The following DCDC2 variants were observed in gnomAD, a reference collection of about 807,000 sequenced individuals.
DCDC2 encodes doublecortin domain containing 2, also known as doublecortin domain-containing protein 2.
Under a neutral mutation model 50.2 loss-of-function variants are expected in DCDC2, and 40 were observed. The observed-to-expected ratio is 0.80, with a 90% confidence interval of 0.62 to 1.04. The LOEUF (loss-of-function observed/expected upper bound fraction) is 1.04. Ranked by LOEUF, DCDC2 falls within the 50% of genes least tolerant of loss-of-function variation. The pLI, the probability that DCDC2 is intolerant of heterozygous loss-of-function variation, is 0.00. For synonymous variants in DCDC2, 234 were observed against 210.6 expected (o/e 1.11, Z -0.96); for missense variants, 570 against 581.9 (o/e 0.98, Z 0.21).
intron 2 of DCDC2, among the ~76,000 whole-genome samples, chr6:24,338,364 C>G (rs1191399223): frequency 6.6e-6 from 1 of 152,138 alleles, no homozygotes; most frequent in Non-Finnish European, 1.5e-5. Context: ...AAAAAAACAA[C>G]AACTGTATTC....
At chr6:24,192,230 A>G (rs1761329368) in intron 8 of DCDC2, among the ~76,000 whole-genome samples, 1 of 152,222 alleles carries the variant, frequency 6.6e-6, no homozygotes, top group South Asian at 2.1e-4. Flanking sequence ...CAGATCCCAA[A>G]ATGTTGACAG....
chr6:24,319,478 G>GTTTTGT (rs1180274638), intron 2 of DCDC2, among the ~76,000 whole-genome samples: 3 of 151,716 alleles, frequency 2.0e-5, no homozygotes, highest in African/African-American at 7.3e-5. Context: ...GTTTTGTTTT[G>GTTTTGT]TTTGTCTTTT....
intron 4 of DCDC2, among the ~76,000 whole-genome samples, chr6:24,296,912 C>T (rs1301150573): frequency 1.3e-5 from 2 of 152,166 alleles, no homozygotes; most frequent in African/African-American, 4.8e-5. Context: ...GGCAATTCCT[C>T]AGAGAGCTAA....
At chr6:24,277,963 A>G (rs1763395469) in intron 7 of DCDC2, 86 bp downstream of exon 7, 3 of 1,109,654 alleles carry the variant, frequency 2.7e-6, no homozygotes, top group Non-Finnish European at 3.8e-6. Flanking sequence ...AAAATAAGGA[A>G]TATCTTCTGT....
intron 8 of DCDC2, among the ~76,000 whole-genome samples, chr6:24,185,238 C>G (rs1761165275): frequency 6.6e-6 from 1 of 152,136 alleles, no homozygotes; most frequent in African/African-American, 2.4e-5. Flanking sequence ...AATTCAGGCC[C>G]TGTCTCATAG....
intron 4 of DCDC2, among the ~76,000 whole-genome samples, chr6:24,297,457 TAAAATACAAGTTTAAA>T (rs1759277721): frequency 6.6e-6 from 1 of 152,114 alleles, no homozygotes; most frequent in African/African-American, 2.4e-5. Context: ...CCCGTGAACC[TAAAATACAAGTTTAAA>T]AAAAAAGAAG....
the DCDC2 span, among the ~76,000 whole-genome samples, chr6:24,363,977 G>T: frequency 6.6e-6 from 1 of 152,080 alleles, no homozygotes; most frequent in Admixed American, 6.6e-5. Flanking sequence ...TACTCTTGTT[G>T]CTTTAGTTTC....
At chr6:24,277,099 C>A (rs1763375469) in intron 7 of DCDC2, among the ~76,000 whole-genome samples, 1 of 152,214 alleles carries the variant, frequency 6.6e-6, no homozygotes, top group Non-Finnish European at 1.5e-5. Context: ...GGAGTTCAAA[C>A]TGTCTCCTCA....
chr6:24,241,757 T>C (rs62400389), intron 7 of DCDC2, among the ~76,000 whole-genome samples: 4,067 of 152,334 alleles, frequency 0.027, 69 homozygotes, highest in Non-Finnish European at 0.041. Context: ...CCTGTGATGG[T>C]TTACTGTATG....
chr6:24,202,842 T>C (rs1220006161), intron 8 of DCDC2, among the ~76,000 whole-genome samples: 2 of 151,884 alleles, frequency 1.3e-5, no homozygotes, highest in Non-Finnish European at 2.9e-5. Context: ...ACACCAGTAA[T>C]AGACAAACAG....
At position 24,302,053 on chromosome 6, in the gene DCDC2, G is replaced by C. The variant is rs765613994; in HGVS notation, c.349-9C>G. ...TGGATTACTGGTTTTACCTTTAAAA[G>C]CAAAGGAAAAAAAATATAAACCACT... On this transcript the variant is annotated splice_polypyrimidine_tract_variant and intron_variant, in intron 2 of 9. Transcript: ENST00000378454. 1.2e-4 allele frequency: 195 copies of C among 1,595,528 alleles called. No homozygotes were observed. The highest frequency in any genetic ancestry group is 1.5e-4 in the Admixed American group (8 of 54,118).
At chr6:24,201,929 G>A (rs1761597912) in intron 8 of DCDC2, among the ~76,000 whole-genome samples, 1 of 152,116 alleles carries the variant, frequency 6.6e-6, no homozygotes, top group South Asian at 2.1e-4. Context: ...ACCCTCCCAA[G>A]ACTAAACCAG....
chr6:24,322,366 G>A (rs922176208), intron 2 of DCDC2, among the ~76,000 whole-genome samples: 1 of 151,924 alleles, frequency 6.6e-6, no homozygotes, highest in African/African-American at 2.4e-5. Flanking sequence ...GGCATAACAA[G>A]GAAGAAAATA....
intron 6 of DCDC2, among the ~76,000 whole-genome samples, chr6:24,287,707 T>C (rs1385988057): frequency 1.3e-5 from 2 of 152,248 alleles, no homozygotes; most frequent in East Asian, 3.8e-4. Flanking sequence ...TACCTTTTTC[T>C]GAATTTTAAA....
Position 24,202,501 on chromosome 6 carries a change from TTA to T in DCDC2, c.1023+2499_1023+2500del, listed in dbSNP as rs1233820136. Among the ~76,000 whole-genome samples the T allele has an allele frequency of 1.3e-4, 20 of 152,264 alleles. 1 individual carries two copies. Among genetic ancestry groups the T allele is most frequent in the African/African-American group, 4.6e-4 (19 of 41,544 alleles). On this transcript the variant is annotated intron_variant, in intron 8 of 9. Transcript: ENST00000378454. ...TATATCTCAAAATAGTAAGAGCTAT[TTA>T]TGACAAACCCACAGCCAATATCATA...
intron 2 of DCDC2, among the ~76,000 whole-genome samples, chr6:24,311,033 G>A (rs974827978): frequency 1.2e-4 from 19 of 152,106 alleles, no homozygotes; most frequent in African/African-American, 4.6e-4. Flanking sequence ...ATCCAACTCT[G>A]TGTGAATTCA....
chr6:24,179,953 C>CAAAAAA (rs56376644), intron 8 of DCDC2, among the ~76,000 whole-genome samples: 2 of 85,982 alleles, frequency 2.3e-5, no homozygotes, highest in Admixed American at 1.5e-4. Context: ...GACTCCATCT[C>CAAAAAA]AAAAAAAAAA....
At chr6:24,236,670 A>T (rs990452563) in intron 7 of DCDC2, among the ~76,000 whole-genome samples, 1 of 152,158 alleles carries the variant, frequency 6.6e-6, no homozygotes. Flanking sequence ...CTTGAATTAT[A>T]AGGAACTTAA....
At chr6:24,255,816 G>A (rs531288013) in intron 7 of DCDC2, among the ~76,000 whole-genome samples, 2 of 152,266 alleles carry the variant, frequency 1.3e-5, no homozygotes, top group Admixed American at 6.5e-5. Flanking sequence ...GCTTTCAGGA[G>A]TGTGAACTAG....
Sources: gnomAD v4.1 joint callset for allele counts (sites outside exome capture counted in the v4.1 genomes callset) on GRCh38, gnomAD v4.1.1 for gene constraint, MANE v1.5 for transcripts, NCBI Gene and HGNC (gene_info 2026-07-23, HGNC 2026-07-21) for gene names.